NELFCD: variants seen among roughly 807,000 people sequenced by gnomAD.
NELFCD encodes the protein negative elongation factor complex member C/D.
Under a neutral mutation model 72.9 loss-of-function variants are expected in NELFCD, and 48 were observed. That is an observed-to-expected ratio of 0.66 (90% CI 0.52 to 0.84). The LOEUF is 0.84. NELFCD is among the 40% of genes least tolerant of loss of function. The pLI, the probability that NELFCD is intolerant of heterozygous loss-of-function variation, is 0.00. For synonymous variants in NELFCD, 297 were observed against 280.6 expected, an observed-to-expected ratio of 1.06 and a Z score of -0.59; for missense variants, 538 against 723.8, an observed-to-expected ratio of 0.74 and a Z score of 2.94.
Position 58,993,307 on chromosome 20 carries a change from C to T in NELFCD, c.1345-142C>T. On this transcript the variant is annotated intron_variant, in intron 11 of 14. Transcript: ENST00000652272. This position sits in a 1 kb window ranked among gnomAD's most constrained non-coding sequence, Gnocchi z 5.0. ...ATTTCTTAACCTCAGTCAAGTGTTA[C>T]TGGAAGCTGATGGCCCTGGCTTAGG... The T allele has an allele frequency of 1.2e-6, 1 of 868,896 alleles. No homozygotes were observed. Among genetic ancestry groups the T allele is most frequent in the Non-Finnish European group, 1.8e-6 (1 of 560,820 alleles). 53.8% of individuals were successfully genotyped at this position (868,896 alleles called of 1,614,324 possible).
At position 58,986,933 on chromosome 20, in the gene NELFCD, A is replaced by G. The variant is rs949316967; in HGVS notation, c.286+70A>G. The stretch of plus-strand genomic sequence containing the variant: ...TTTAAAAATAGACTTTTGGGTCCTT[A>G]TAACACTGATACAATGCCTTCTTTG... On this transcript the variant is annotated intron_variant, in intron 3 of 14. Transcript: ENST00000652272. The surrounding 1 kb of genome is among the most constrained non-coding windows in gnomAD (Gnocchi z 4.4). 24 of 860,196 alleles carry G rather than the reference A, an allele frequency of 2.8e-5. No individual in the cohort carries two copies. Among genetic ancestry groups the G allele is most frequent in the Admixed American group, 1.6e-4 (7 of 43,260 alleles). 53.3% of individuals were successfully genotyped at this position (860,196 alleles called of 1,614,324 possible).
Position 58,981,291 on chromosome 20 carries a change from G to T in NELFCD, c.-19G>T, listed in dbSNP as rs760109669. The T allele has an allele frequency of 8.7e-5, 93 of 1,072,232 alleles. No homozygotes were observed. Among genetic ancestry groups the T allele is most frequent in the African/African-American group, 1.2e-4 (7 of 59,046 alleles). The allele number at this position is 1,072,232 out of a possible 1,614,324, so 66.4% of individuals were successfully genotyped here. On this transcript the variant is annotated 5_prime_UTR_variant, in exon 1 of 15. Coordinates refer to ENST00000652272, the MANE Select transcript of NELFCD (RefSeq NM_198976.4). ...CTCGCTCGCGGGAGGGCATGGCGGG[G>T]GCCGTGCCGGGCGCCATCATGGACG...
intron 4 of NELFCD, among the ~76,000 whole-genome samples, chr20:58,988,667 G>A (rs895384169): frequency 6.6e-6 from 1 of 152,006 alleles, no homozygotes; most frequent in Non-Finnish European, 1.5e-5. Context: ...GTGTCTCCTA[G>A]GAAGCAACTT....
In NELFCD at chr20:58,994,228, C is replaced by T. The variant is rs765915070; in HGVS notation, c.1700C>T (p.Thr567Met). ...IKTEGEHDPV[T>M]EFIAHCKSNF... ...ACGGAAGGCGAGCATGACCCTGTGA[C>T]GGAGTTTATAGGTGAGGCCGACTGC... Residue 567 changes from threonine to methionine, a missense_variant, in exon 14 of 15, where the codon ACG becomes ATG. Thr to Met is a moderately conservative substitution (Grantham distance 81). Transcript: ENST00000652272. 43 of 1,613,944 alleles carry T rather than the reference C, an allele frequency of 2.7e-5. No homozygotes were observed. Among genetic ancestry groups the T allele is most frequent in the Middle Eastern group, 1.6e-4 (1 of 6,084 alleles).
chr20:58,993,653 G>C lies in NELFCD; in HGVS notation c.1470G>C (p.Arg490Ser). 1 of 1,614,242 alleles carries C rather than the reference G, an allele frequency of 6.2e-7. No homozygotes were observed. The highest frequency in any genetic ancestry group is 8.5e-7 in the Non-Finnish European group (1 of 1,180,054). Reference sequence around the variant, plus strand: ...AGTTGAAGAAGACACTGCTGGACAGGATGGTTCACCTGCTGAGTCGAGGTT... The same window carrying C: ...AGTTGAAGAAGACACTGCTGGACAGCATGGTTCACCTGCTGAGTCGAGGTT... ...QLELKKTLLD[R>S]MVHLLSRGYV... The change falls in exon 13 of 15, where the codon AGG becomes AGC. Residue 490 changes from arginine (R) to serine (S), a missense_variant. Arg to Ser is a moderately radical substitution (Grantham distance 110). This residue lies in a region of NELFCD where 136 missense variants were observed against 154.0 expected (regional missense o/e 0.88). Transcript: ENST00000652272. This position sits in a 1 kb window ranked among gnomAD's most constrained non-coding sequence, Gnocchi z 5.0.
Position 58,993,105 on chromosome 20 carries a change from T to C in NELFCD, c.1337T>C (p.Leu446Pro). ...TDHTPVHLAL[L>P]DEISTCHQLL... ...CATACCCCTGTCCACCTGGCGTTGCTGGATGAGGTAAGAGGGCGGAGAGCT... is the reference window on the plus strand; with the variant it reads ...CATACCCCTGTCCACCTGGCGTTGCCGGATGAGGTAAGAGGGCGGAGAGCT... Residue 446 changes from leucine to proline, a missense_variant, in exon 11 of 15, where the codon CTG becomes CCG. Leu to Pro is a moderately conservative substitution (Grantham distance 98, BLOSUM62 -3). Around this residue, in one of 3 missense-constraint regions of NELFCD, gnomAD observed 355 missense variants for 534.5 expected, o/e 0.66. Transcript: ENST00000652272. This position sits in a 1 kb window ranked among gnomAD's most constrained non-coding sequence, Gnocchi z 5.0. 1 of 1,613,318 alleles carries C rather than the reference T, an allele frequency of 6.2e-7. No individual in the cohort carries two copies. The highest frequency in any genetic ancestry group is 8.5e-7 in the Non-Finnish European group (1 of 1,179,264).
rs2091831334 is a variant in NELFCD at position 58,993,372 on chromosome 20, C to A, written c.1345-77C>A. 1.4e-6 allele frequency: 2 copies of A among 1,387,364 alleles called. No individual in the cohort carries two copies. Among genetic ancestry groups the A allele is most frequent in the South Asian group, 2.5e-5 (2 of 80,886 alleles). 85.9% of individuals were successfully genotyped at this position (1,387,364 alleles called of 1,614,324 possible). ...TCCACAGTGATAAGCTCTTTGGTGG[C>A]TGTGACAGTGCCCAGTTTCTCTGTG... On this transcript the variant is annotated intron_variant, in intron 11 of 14. Transcript: ENST00000652272. This position sits in a 1 kb window ranked among gnomAD's most constrained non-coding sequence, Gnocchi z 5.0.
At chr20:58,989,678 G>T in intron 6 of NELFCD, 38 bp downstream of exon 6, 2 of 1,613,760 alleles carry the variant, frequency 1.2e-6, no homozygotes, top group South Asian at 2.2e-5. Flanking sequence ...TTAGAAGGAG[G>T]CTGCTTTGGG....
At chr20:58,981,947 A>G (rs2091736566) in intron 1 of NELFCD, among the ~76,000 whole-genome samples, 1 of 147,850 alleles carries the variant, frequency 6.8e-6, no homozygotes, top group Non-Finnish European at 1.5e-5. Flanking sequence ...TTTGGGGTGG[A>G]AGCCCAGGAG....
chr20:58,993,269 A>G lies in NELFCD; in HGVS notation c.1344+157A>G. ...ATTTTCCTCTTAAGGACCTAGCTTC[A>G]TTGACTGCAGAAATTTCTTAACCTC... On this transcript the variant is annotated intron_variant, in intron 11 of 14. Transcript: ENST00000652272. This position sits in a 1 kb window ranked among gnomAD's most constrained non-coding sequence, Gnocchi z 5.0. The G allele has an allele frequency of 1.2e-6, 1 of 816,272 alleles. No individual in the cohort carries two copies. Among genetic ancestry groups the G allele is most frequent in the East Asian group, 2.7e-5 (1 of 37,466 alleles). The allele number at this position is 816,272 out of a possible 1,614,324, so 50.6% of individuals were successfully genotyped here. A position where few individuals can be genotyped will look rare whatever the true frequency, so the allele number is the denominator to read the frequency against.
intron 7 of NELFCD, chr20:58,990,634 T>G: frequency 5.8e-6 from 2 of 346,482 alleles, no homozygotes; most frequent in Non-Finnish European, 5.3e-6. Context: ...ATCTCATTGT[T>G]ACAGTGTCGC....
chr20:58,988,690 T>A (rs902146041), intron 4 of NELFCD, among the ~76,000 whole-genome samples: 6 of 152,124 alleles, frequency 3.9e-5, no homozygotes, highest in Non-Finnish European at 1.5e-5. Flanking sequence ...AGTACCCTCC[T>A]GTGTTGAGTC....
In NELFCD at chr20:58,986,520, T is replaced by C; in HGVS notation, c.177-234T>C. 1 of 558,658 alleles carries C rather than the reference T, an allele frequency of 1.8e-6. No individual in the cohort carries two copies. The highest frequency in any genetic ancestry group is 2.2e-5 in the South Asian group (1 of 45,822). 34.6% of individuals were successfully genotyped at this position (558,658 alleles called of 1,614,324 possible). On this transcript the variant is annotated intron_variant, in intron 2 of 14. Transcript: ENST00000652272. The surrounding 1 kb of genome is among the most constrained non-coding windows in gnomAD (Gnocchi z 4.4). The stretch of plus-strand genomic sequence containing the variant: ...ATGCCTGGCTATTTTTGTTTTTGTT[T>C]TTTGGGAGAGACAGGGCTCCTTACG...
intron 3 of NELFCD, 197 bp downstream of exon 3, chr20:58,987,060 C>T: frequency 1.9e-6 from 1 of 526,564 alleles, no homozygotes; most frequent in South Asian, 2.6e-5. Context: ...ATCTTTGATT[C>T]AGTAATTGAG....
intron 1 of NELFCD, among the ~76,000 whole-genome samples, chr20:58,983,207 G>T (rs1260509729): frequency 1.3e-5 from 2 of 150,490 alleles, no homozygotes; most frequent in Non-Finnish European, 3.0e-5. Context: ...CTTGATCTCA[G>T]CTCGCTGCAA....
intron 10 of NELFCD, 110 bp downstream of exon 10, chr20:58,992,130 T>A: frequency 8.4e-7 from 1 of 1,189,830 alleles, no homozygotes; most frequent in Admixed American, 2.4e-5. Flanking sequence ...TTGTTCATTT[T>A]ATTTATTTTT....
At chr20:58,985,975 C>T in intron 1 of NELFCD, 118 bp from the exon 2 acceptor site, 1 of 735,344 alleles carries the variant, frequency 1.4e-6, no homozygotes, top group Non-Finnish European at 2.4e-6. Flanking sequence ...TCATGAAAGT[C>T]AAATGAAATA....
chr20:58,982,226 G>C (rs984762510), intron 1 of NELFCD, among the ~76,000 whole-genome samples: 2 of 137,864 alleles, frequency 1.5e-5, no homozygotes, highest in East Asian at 2.3e-4. Flanking sequence ...GCGCCATCGC[G>C]GCTCACTGCA....
rs543016992 is a variant in NELFCD at position 58,984,396 on chromosome 20, TC to T, written c.61-1696del. 3.8e-3 allele frequency among the ~76,000 whole-genome samples: 580 copies of T among 152,218 alleles called. 2 individuals carry two copies. The highest frequency in any genetic ancestry group is 5.3e-3 in the Non-Finnish European group (358 of 68,008). On this transcript the variant is annotated intron_variant, in intron 1 of 14. Transcript: ENST00000652272. ...GAAAGGAAGGAATAAGACTGAGACT[TC>T]AGGGGAATGTTGCTACTGCAAGCAT...
Sources: allele counts gnomAD v4.1 joint callset (sites outside exome capture counted in the v4.1 genomes callset), GRCh38; gene constraint gnomAD v4.1.1; regional missense constraint gnomAD v4.1.1; non-coding constraint Gnocchi (gnomAD v3.1); transcripts MANE v1.5; gene names NCBI Gene and HGNC (gene_info 2026-07-23, HGNC 2026-07-21).